ULK4: variants seen among roughly 807,000 people sequenced by gnomAD.
ULK4 encodes the protein inactive serine/threonine-protein kinase ULK4.
ULK4 carries 133 observed loss-of-function variants against 160.6 expected under a neutral mutation model. The observed-to-expected ratio is 0.83, with a 90% confidence interval of 0.72 to 0.96. The LOEUF (loss-of-function observed/expected upper bound fraction) is 0.96. Ranked by LOEUF, ULK4 falls within the 40% of genes least tolerant of loss-of-function variation. The pLI is 0.00. For synonymous variants in ULK4, 534 were observed against 539.8 expected (o/e 0.99, Z 0.15); for missense variants, 1,580 against 1,499.5 (o/e 1.05, Z -0.89).
At chr3:41,843,590 C>T (rs115334140) in intron 17 of ULK4, among the ~76,000 whole-genome samples, 373 of 152,068 alleles carry the variant, frequency 2.5e-3, no homozygotes, top group African/African-American at 7.9e-3. Flanking sequence ...TCCTTCCTCC[C>T]GGTGGGTTCC....
chr3:41,880,226 G>A (rs539094240), intron 17 of ULK4, among the ~76,000 whole-genome samples: 344 of 152,238 alleles, frequency 2.3e-3, no homozygotes, highest in African/African-American at 8.0e-3. Context: ...TATCAGAAAT[G>A]TTTTTTAAAA....
chr3:41,552,313 G>A (rs2087101237), intron 32 of ULK4, among the ~76,000 whole-genome samples: 1 of 152,048 alleles, frequency 6.6e-6, no homozygotes, highest in Admixed American at 6.6e-5. Flanking sequence ...AAAAGAGGAA[G>A]TCGAATTGTC....
intron 34 of ULK4, among the ~76,000 whole-genome samples, chr3:41,430,234 G>A (rs530721528): frequency 1.4e-4 from 21 of 152,230 alleles, no homozygotes; most frequent in Admixed American, 1.3e-4. Context: ...TTTTACAACT[G>A]AAAGAAGAAA....
intron 6 of ULK4, among the ~76,000 whole-genome samples, chr3:41,919,307 TCA>T (rs1699089126): frequency 1.3e-5 from 2 of 152,150 alleles, no homozygotes; most frequent in Admixed American, 6.5e-5. Flanking sequence ...ATTTATAAGG[TCA>T]CAGTTTTTTT....
chr3:41,835,253 T>G (rs1016074325), intron 18 of ULK4, among the ~76,000 whole-genome samples: 1 of 152,178 alleles, frequency 6.6e-6, no homozygotes, highest in Non-Finnish European at 1.5e-5. Flanking sequence ...CTTAATTACT[T>G]ATAACTTACC....
intron 34 of ULK4, among the ~76,000 whole-genome samples, chr3:41,415,543 C>T (rs1264302660): frequency 1.3e-5 from 2 of 152,202 alleles, no homozygotes; most frequent in Non-Finnish European, 2.9e-5. Context: ...AGGGTATTTG[C>T]ATCTGCAATC....
chr3:41,249,164 G>A (rs554175760), intron 36 of ULK4, among the ~76,000 whole-genome samples: 1 of 152,316 alleles, frequency 6.6e-6, no homozygotes, highest in South Asian at 2.1e-4. Context: ...TTCTCATGAG[G>A]TTCCTTGCAT....
chr3:41,257,149 AACG>A (rs2078850569), intron 35 of ULK4, among the ~76,000 whole-genome samples: 1 of 152,208 alleles, frequency 6.6e-6, no homozygotes, highest in African/African-American at 2.4e-5. Context: ...AAGATAACTC[AACG>A]TTGTTTGTCA....
At chr3:41,690,968 G>A (rs557864749) in intron 27 of ULK4, among the ~76,000 whole-genome samples, 22 of 151,782 alleles carry the variant, frequency 1.4e-4, no homozygotes, top group Non-Finnish European at 2.9e-5. Flanking sequence ...GGTGATAGGC[G>A]GTTGTTAACT....
intron 19 of ULK4, among the ~76,000 whole-genome samples, chr3:41,807,035 G>A (rs528752715): frequency 2.0e-5 from 3 of 152,152 alleles, no homozygotes; most frequent in Admixed American, 1.3e-4. Context: ...AGCTGAGGTA[G>A]GAGGATGGCT....
chr3:41,369,769 G>A (rs1399594216), intron 35 of ULK4, among the ~76,000 whole-genome samples: 1 of 150,424 alleles, frequency 6.6e-6, no homozygotes, highest in Non-Finnish European at 1.5e-5. Context: ...ACTCCAGCCT[G>A]GGTGACAGAG....
In ULK4 at chr3:41,401,173, T is replaced by C. The variant is rs148514315; in HGVS notation, c.3493-2909A>G. On this transcript the variant is annotated intron_variant, in intron 34 of 36. Transcript: ENST00000301831. ...AATTACTGGTTTTAGCTCTTAGCAA[T>C]CGTGCTGTGGTGGCAAGAACAAAAA... Among the ~76,000 whole-genome samples, 81 of 152,350 alleles carry C rather than the reference T, an allele frequency of 5.3e-4. No individual in the cohort carries two copies. The East Asian group carries it at 0.013, about 25-fold the overall frequency.
chr3:41,689,818 T>C (rs534695121), intron 27 of ULK4, among the ~76,000 whole-genome samples: 117 of 151,120 alleles, frequency 7.7e-4, no homozygotes, highest in African/African-American at 2.8e-3. Flanking sequence ...GGTGGAGAAA[T>C]AGGAACACTT....
chr3:41,532,978 G>T (rs1000055530), intron 32 of ULK4, among the ~76,000 whole-genome samples: 4 of 152,216 alleles, frequency 2.6e-5, no homozygotes, highest in Admixed American at 2.6e-4. Flanking sequence ...AAATTAACAT[G>T]AGATTTCCAA....
intron 31 of ULK4, among the ~76,000 whole-genome samples, chr3:41,601,428 T>C (rs72862103): frequency 0.045 from 6,836 of 152,244 alleles, 492 homozygotes; most frequent in African/African-American, 0.16. Flanking sequence ...CCCAAGGAGA[T>C]AGAGCTTCAT....
chr3:41,511,100 T>C lies in ULK4; in HGVS notation c.3227-47847A>G, dbSNP rs181952867. Among the ~76,000 whole-genome samples the C allele has an allele frequency of 6.5e-3, 963 of 149,172 alleles. 12 individuals carry two copies. Among genetic ancestry groups the C allele is most frequent in the African/African-American group, 0.022 (906 of 40,276 alleles). On this transcript the variant is annotated intron_variant, in intron 32 of 36. Coordinates refer to ENST00000301831, the MANE Select transcript of ULK4 (RefSeq NM_017886.4). ...ATGGCATGAACCTGGGAGGCAGAGCTTGCAGTGAGCTGAGATCATGCCACT... is the reference window on the plus strand; with the variant it reads ...ATGGCATGAACCTGGGAGGCAGAGCCTGCAGTGAGCTGAGATCATGCCACT...
intron 32 of ULK4, among the ~76,000 whole-genome samples, chr3:41,544,966 G>A (rs1232249365): frequency 6.6e-6 from 1 of 152,158 alleles, no homozygotes; most frequent in Non-Finnish European, 1.5e-5. Flanking sequence ...CCAACTCACT[G>A]TTCTTACTGA....
chr3:41,632,406 AT>A (rs1428574185), intron 30 of ULK4, among the ~76,000 whole-genome samples: 1 of 152,166 alleles, frequency 6.6e-6, no homozygotes, highest in Non-Finnish European at 1.5e-5. Context: ...AATACAAGAG[AT>A]TTTTTGTTTT....
rs150222617 is a variant in ULK4, at chr3:41,850,600, T to C, written c.1657-14629A>G. Among the ~76,000 whole-genome samples, 34 of 152,350 alleles carry C rather than the reference T, an allele frequency of 2.2e-4. No individual in the cohort carries two copies. In the East Asian group the frequency reaches 6.0e-3, roughly 27 times the overall value. On this transcript the variant is annotated intron_variant, in intron 17 of 36. Coordinates refer to ENST00000301831, the MANE Select transcript of ULK4 (RefSeq NM_017886.4). ...TTTTTTCATGTGTGTTTTAGCTGCATAAATGTCTTCTTTTGAGAAGAGTCT... is the reference window on the plus strand; with the variant it reads ...TTTTTTCATGTGTGTTTTAGCTGCACAAATGTCTTCTTTTGAGAAGAGTCT...
Sources: gnomAD v4.1 joint callset for allele counts (sites outside exome capture counted in the v4.1 genomes callset) on GRCh38, gnomAD v4.1.1 for gene constraint, MANE v1.5 for transcripts, NCBI Gene and HGNC (gene_info 2026-07-23, HGNC 2026-07-21) for gene names.